Variants in FERMT3 observed in about 807,000 individuals in gnomAD.
FERMT3 encodes FERM domain containing kindlin 3.
In FERMT3, 33 loss-of-function variants were observed where a neutral mutation model predicts 80.8. The ratio of observed to expected loss-of-function variants is 0.41; its 90% confidence interval spans 0.31 to 0.55. The LOEUF is 0.55. FERMT3 is among the 20% of genes least tolerant of loss of function. The pLI is 0.31. For missense variants in FERMT3, 754 were observed against 908.7 expected (o/e 0.83, Z 2.19); for synonymous variants, 375 against 372.2 (o/e 1.01, Z -0.09).
intron 2 of FERMT3, among the ~76,000 whole-genome samples, chr11:64,208,119 G>A (rs1313755240): frequency 1.3e-5 from 2 of 151,270 alleles, no homozygotes; most frequent in African/African-American, 4.9e-5. Context: ...CCACAGTCCC[G>A]GCCAAGAGCC....
intron 13 of FERMT3, 37 bp from the exon 14 acceptor site, chr11:64,223,011 G>A: frequency 1.9e-6 from 3 of 1,612,720 alleles, no homozygotes; most frequent in African/African-American, 1.3e-5. Context: ...GCCATGCAGG[G>A]TGGAGCCCTG....
intron 13 of FERMT3, among the ~76,000 whole-genome samples, chr11:64,221,908 CAG>C (rs1946690829): frequency 6.7e-6 from 1 of 149,830 alleles, no homozygotes; most frequent in Admixed American, 6.6e-5. Context: ...CGCTGGGTGA[CAG>C]AGCGAAACTC....
At position 64,220,915 on chromosome 11, in the gene FERMT3, C is replaced by T. The variant is rs1946667492; in HGVS notation, c.1546-101C>T. On this transcript the variant is annotated intron_variant, in intron 12 of 14. Transcript: ENST00000345728. ...CGGCCCCACGTGGGCACTGCCCCTT[C>T]CCAGGCTCACATGCTGTCACCCTGA... 3.2e-6 allele frequency: 5 copies of T among 1,562,062 alleles called. No individual in the cohort carries two copies. In the South Asian group the frequency reaches 5.9e-5, roughly 18 times the overall value.
At position 64,223,659 on chromosome 11, in the gene FERMT3, G is replaced by T. The variant is rs545852879; in HGVS notation, c.*167G>T. The T allele has an allele frequency of 2.8e-5, 25 of 899,080 alleles. No individual in the cohort carries two copies. In the South Asian group the frequency reaches 3.8e-4, roughly 14 times the overall value. The allele number at this position is 899,080 out of a possible 1,614,324, so 55.7% of individuals were successfully genotyped here. A position where few individuals can be genotyped will look rare whatever the true frequency, so the allele number is the denominator to read the frequency against. ...GGCCAAGGACCTGGCAGGGCCAGAC[G>T]CTGTACCATCACCCAGGCCAGGGAT... On this transcript the variant is annotated 3_prime_UTR_variant, in exon 15 of 15. Coordinates refer to ENST00000345728, the MANE Select transcript of FERMT3 (RefSeq NM_031471.6).
chr11:64,211,077 C>G lies in FERMT3; in HGVS notation c.420C>G (p.Ser140=). 6.3e-7 allele frequency: 1 copy of G among 1,590,220 alleles called. No individual in the cohort carries two copies. Among genetic ancestry groups the G allele is most frequent in the Non-Finnish European group, 8.6e-7 (1 of 1,168,190 alleles). The part of the protein sequence containing the change: ...LLSIRHPEEL[S]LLRAPEKKEK... ...GCATCCGGCACCCCGAGGAGCTGTC[C>G]CTGCTCCGGGCTCCTGAGAAGAAGG... The change falls in exon 4 of 15, where the codon TCC becomes TCG. Residue 140 remains serine, a synonymous_variant. Coordinates refer to ENST00000345728, the MANE Select transcript of FERMT3 (RefSeq NM_031471.6). This position sits in a 1 kb window ranked among gnomAD's most constrained non-coding sequence, Gnocchi z 4.7.
At chr11:64,220,365 G>A (rs201221897) in intron 11 of FERMT3, 39 bp downstream of exon 11, 22 of 1,608,870 alleles carry the variant, frequency 1.4e-5, no homozygotes, top group Non-Finnish European at 1.7e-5. Flanking sequence ...CCGGGCAGGA[G>A]CTGGGGCAGG....
At position 64,219,645 on chromosome 11, in the gene FERMT3, C is replaced by T; in HGVS notation, c.1016C>T (p.Pro339Leu). The change falls in exon 8 of 15, where the codon CCC becomes CTC. Residue 339 changes from proline to leucine, a missense_variant. Coordinates refer to ENST00000345728, the MANE Select transcript of FERMT3 (RefSeq NM_031471.6). This position sits in a 1 kb window ranked among gnomAD's most constrained non-coding sequence, Gnocchi z 4.0. ...GAGGTGAAGCTGGAGGGGTCGGCGCCCACAGATGTGCTGGTGAGGAGGGGC... is the reference window on the plus strand; with the variant it reads ...GAGGTGAAGCTGGAGGGGTCGGCGCTCACAGATGTGCTGGTGAGGAGGGGC... ...NLEVKLEGSA[P>L]TDVLDSLTTI... 6.2e-7 allele frequency: 1 copy of T among 1,613,492 alleles called. No homozygotes were observed. The highest frequency in any genetic ancestry group is 8.5e-7 in the Non-Finnish European group (1 of 1,179,942).
rs759745722 is a variant in FERMT3, at chr11:64,219,215, C to T, written c.787-36C>T. ...GCGTCCAGGGCAGCTGGCATCTGAC[C>T]AGCCCAGCCTCCAGCCTCCTCTCCC... On this transcript the variant is annotated intron_variant, in intron 6 of 14. Coordinates refer to ENST00000345728, the MANE Select transcript of FERMT3 (RefSeq NM_031471.6). The surrounding 1 kb of genome is among the most constrained non-coding windows in gnomAD (Gnocchi z 4.0). The T allele has an allele frequency of 4.5e-6, 7 of 1,547,600 alleles. No homozygotes were observed. The highest frequency in any genetic ancestry group is 1.7e-4 in the Middle Eastern group (1 of 5,888).
rs778795486 is a variant in FERMT3, at chr11:64,219,244, G to A, written c.787-7G>A. ...CCAGCCTCCAGCCTCCTCTCCCCCCGCTCCAGACAGACCCCGTGCGGCTGA... is the reference window on the plus strand; with the variant it reads ...CCAGCCTCCAGCCTCCTCTCCCCCCACTCCAGACAGACCCCGTGCGGCTGA... On this transcript the variant is annotated splice_region_variant and splice_polypyrimidine_tract_variant and intron_variant, in intron 6 of 14. Transcript: ENST00000345728. The surrounding 1 kb of genome is among the most constrained non-coding windows in gnomAD (Gnocchi z 4.0). 38 of 1,580,112 alleles carry A rather than the reference G, an allele frequency of 2.4e-5. No homozygotes were observed. Among genetic ancestry groups the A allele is most frequent in the Admixed American group, 2.4e-4 (13 of 54,914 alleles).
chr11:64,222,830 G>A lies in FERMT3; in HGVS notation c.1671-218G>A, dbSNP rs72920394. Among the ~76,000 whole-genome samples the A allele has an allele frequency of 0.065, 9,854 of 152,320 alleles. 437 individuals are homozygous for A. The highest frequency in any genetic ancestry group is 0.095 in the Non-Finnish European group (6,442 of 68,030). ...ATTTAAAGGCTTGGCCTGTTTGCCC[G>A]ATGCTGCTAAATGCTGTTGTGGGGA... On this transcript the variant is annotated intron_variant, in intron 13 of 14. Transcript: ENST00000345728.
chr11:64,216,892 G>A (rs538847485), intron 6 of FERMT3, among the ~76,000 whole-genome samples: 12 of 151,482 alleles, frequency 7.9e-5, no homozygotes, highest in Non-Finnish European at 1.5e-4. Context: ...TCTCTTCTGC[G>A]CCCTACCTGG....
At chr11:64,223,234 C>G in intron 14 of FERMT3, 45 bp downstream of exon 14, 1 of 1,613,144 alleles carries the variant, frequency 6.2e-7, no homozygotes, top group South Asian at 1.1e-5. Context: ...AGGTGCAGGC[C>G]GGAGCTGGAT....
Position 64,210,808 on chromosome 11 carries a change from C to T in FERMT3, c.358C>T (p.Leu120Phe), listed in dbSNP as rs778348100. Residue 120 changes from leucine (L) to phenylalanine (F), a missense_variant, in exon 3 of 15, where the codon CTC becomes TTC. Coordinates refer to ENST00000345728, the MANE Select transcript of FERMT3 (RefSeq NM_031471.6). This position sits in a 1 kb window ranked among gnomAD's most constrained non-coding sequence, Gnocchi z 4.3. ...CCTCCGTGCCAGCTTCTCCCAGCCCCTCTTCCAGGCTGTGGCTGCCATCTG... is the reference window on the plus strand; with the variant it reads ...CCTCCGTGCCAGCTTCTCCCAGCCCTTCTTCCAGGCTGTGGCTGCCATCTG... ...LRLRASFSQP[L>F]FQAVAAICRL... 6.2e-7 allele frequency: 1 copy of T among 1,613,574 alleles called. No individual in the cohort carries two copies. Among genetic ancestry groups the T allele is most frequent in the Admixed American group, 1.7e-5 (1 of 60,032 alleles).
In FERMT3 at chr11:64,210,477, C is replaced by T. The variant is rs1946411518; in HGVS notation, c.161-134C>T. The T allele has an allele frequency of 2.2e-6, 2 of 890,622 alleles. No individual in the cohort carries two copies. The highest frequency in any genetic ancestry group is 4.0e-5 in the Admixed American group (2 of 49,468). The allele number at this position is 890,622 out of a possible 1,614,324, so 55.2% of individuals were successfully genotyped here. A position where few individuals can be genotyped will look rare whatever the true frequency, so the allele number is the denominator to read the frequency against. On this transcript the variant is annotated intron_variant, in intron 2 of 14. Coordinates refer to ENST00000345728, the MANE Select transcript of FERMT3 (RefSeq NM_031471.6). This position sits in a 1 kb window ranked among gnomAD's most constrained non-coding sequence, Gnocchi z 4.3. The stretch of plus-strand genomic sequence containing the variant: ...TACCATGGGGTAGACCCCAGGCCCG[C>T]CCAGGCTGCCCCACTCTTGGCTTAG...
intron 11 of FERMT3, 34 bp downstream of exon 11, chr11:64,220,360 C>A (rs1466382118): frequency 1.2e-6 from 2 of 1,609,220 alleles, no homozygotes; most frequent in Non-Finnish European, 8.5e-7. Flanking sequence ...CAGGGCCGGG[C>A]AGGAGCTGGG....
intron 6 of FERMT3, among the ~76,000 whole-genome samples, chr11:64,214,680 C>T (rs1012070730): frequency 1.4e-4 from 21 of 151,780 alleles, no homozygotes; most frequent in African/African-American, 4.6e-4. Context: ...GGTTCTTTTT[C>T]TTTCTGTGTC....
intron 13 of FERMT3, among the ~76,000 whole-genome samples, chr11:64,222,675 G>A (rs1274541978): frequency 6.6e-6 from 1 of 151,930 alleles, no homozygotes; most frequent in Non-Finnish European, 1.5e-5. Flanking sequence ...TCGCCGGTCC[G>A]CAAGACAGGG....
Position 64,206,898 on chromosome 11 carries a change from G to A in FERMT3, c.-15+84G>A, listed in dbSNP as rs979679568. ...CTGCCCAGCCTGCCTCTCGCCATGC[G>A]GCAGCCTGAACTTTCCACCTCCCCG... is the stretch of plus-strand genomic sequence containing the variant. On this transcript the variant is annotated intron_variant, in intron 1 of 14. Coordinates refer to ENST00000345728, the MANE Select transcript of FERMT3 (RefSeq NM_031471.6). 5.0e-5 allele frequency: 8 copies of A among 160,284 alleles called. No individual in the cohort carries two copies. In the East Asian group the frequency reaches 5.5e-4, roughly 11 times the overall value. 9.9% of individuals were successfully genotyped at this position (160,284 alleles called of 1,614,324 possible).
Position 64,219,711 on chromosome 11 carries a change from G to C in FERMT3, c.1030-29G>C, listed in dbSNP as rs913856397. 17 of 1,613,586 alleles carry C rather than the reference G, an allele frequency of 1.1e-5. No individual in the cohort carries two copies. Among genetic ancestry groups the C allele is most frequent in the Non-Finnish European group, 1.4e-5 (17 of 1,179,928 alleles). ...GGCAGGGAGAACTGTGAGGTACCGGGTGCCCCTCTGACTCTGGTCCTCCCA... is the reference window on the plus strand; with the variant it reads ...GGCAGGGAGAACTGTGAGGTACCGGCTGCCCCTCTGACTCTGGTCCTCCCA... On this transcript the variant is annotated intron_variant, in intron 8 of 14. Transcript: ENST00000345728. This position sits in a 1 kb window ranked among gnomAD's most constrained non-coding sequence, Gnocchi z 4.0.
Sources: gnomAD v4.1 joint callset for allele counts (sites outside exome capture counted in the v4.1 genomes callset) on GRCh38, gnomAD v4.1.1 for gene constraint, Gnocchi (gnomAD v3.1) non-coding constraint, MANE v1.5 for transcripts, NCBI Gene and HGNC (gene_info 2026-07-23, HGNC 2026-07-21) for gene names.